LLGL2: variants seen among roughly 807,000 people sequenced by gnomAD.
LLGL2 encodes LLGL scribble cell polarity complex component 2, also known as LLGL2, scribble cell polarity complex component.
LLGL2 carries 81 observed loss-of-function variants against 123.2 expected under a neutral mutation model. The observed-to-expected ratio is 0.66, with a 90% confidence interval of 0.55 to 0.79. The LOEUF is 0.79. LLGL2 is among the 30% of genes least tolerant of loss of function. The pLI is 0.00. For missense variants in LLGL2, 1,273 were observed against 1,414.6 expected, an observed-to-expected ratio of 0.90 and a Z score of 1.61; for synonymous variants, 577 against 594.1, an observed-to-expected ratio of 0.97 and a Z score of 0.42.
chr17:75,561,462 T>G (rs1620378), intron 6 of LLGL2, among the ~76,000 whole-genome samples: 2 of 151,688 alleles, frequency 1.3e-5, no homozygotes, highest in African/African-American at 4.8e-5. Context: ...CTGTCTCTCC[T>G]CACAAAAAAT....
At position 75,558,553 on chromosome 17, in the gene LLGL2, T is replaced by G. The variant is rs1328805783; in HGVS notation, c.297T>G (p.Leu99=). 1 of 1,610,762 alleles carries G rather than the reference T, an allele frequency of 6.2e-7. No individual in the cohort carries two copies. The highest frequency in any genetic ancestry group is 1.1e-5 in the South Asian group (1 of 90,230). Residue 99 remains leucine (L), a synonymous_variant, in exon 5 of 26, where the codon CTT becomes CTG. Transcript: ENST00000392550. This position sits in a 1 kb window ranked among gnomAD's most constrained non-coding sequence, Gnocchi z 4.0. The part of the protein sequence containing the change: ...VTLLDDNSLH[L]WSLKVKGGAS... ...TGCTGGATGACAACAGCCTGCACCTTTGGAGCCTGAAGGTCAAGGGCGGGG... is the reference window on the plus strand; with the variant it reads ...TGCTGGATGACAACAGCCTGCACCTGTGGAGCCTGAAGGTCAAGGGCGGGG...
intron 2 of LLGL2, among the ~76,000 whole-genome samples, chr17:75,548,365 C>T (rs1329654978): frequency 6.6e-6 from 1 of 151,250 alleles, no homozygotes; most frequent in Non-Finnish European, 1.5e-5. Flanking sequence ...GCAACCTCTG[C>T]CTCCCGGGTT....
Position 75,568,708 on chromosome 17 carries a change from G to GGCCCCA in LLGL2, c.1254+28_1254+33dup, listed in dbSNP as rs1568069132. 1.6e-5 allele frequency: 26 copies of GGCCCCA among 1,613,740 alleles called. No homozygotes were observed. The highest frequency in any genetic ancestry group is 2.7e-5 in the African/African-American group (2 of 75,062). On this transcript the variant is annotated intron_variant, in intron 11 of 25. Transcript: ENST00000392550. ...TCTCCACCATGGTAGGTCTGGCCCTGGCCCCAGCCCCAGCCCCACCGCAAG... is the reference window on the plus strand; with the variant it reads ...TCTCCACCATGGTAGGTCTGGCCCTGGCCCCAGCCCCAGCCCCAGCCCCACCGCAAG...
At chr17:75,534,209 TG>T (rs1252280209) in intron 1 of LLGL2, among the ~76,000 whole-genome samples, 2 of 152,244 alleles carry the variant, frequency 1.3e-5, no homozygotes, top group African/African-American at 4.8e-5. Context: ...GCCCCCAGAA[TG>T]GGGGTGCGTT....
At position 75,573,145 on chromosome 17, in the gene LLGL2, G is replaced by C. The variant is rs983328773; in HGVS notation, c.2592G>C (p.Leu864=). The C allele has an allele frequency of 1.9e-6, 3 of 1,613,004 alleles. No individual in the cohort carries two copies. The African/African-American group carries it at 4.0e-5, about 22-fold the overall frequency. Residue 864 remains leucine (L), a synonymous_variant, in exon 20 of 26, where the codon CTG becomes CTC. Coordinates refer to ENST00000392550, the MANE Select transcript of LLGL2 (RefSeq NM_001031803.2). Reference sequence around the variant, plus strand: ...CCGAGGACTACGGGGAGCACCACCTGGCAGTCCTTACCAACCTGGGCGACA... The same window carrying C: ...CCGAGGACTACGGGGAGCACCACCTCGCAGTCCTTACCAACCTGGGCGACA... ...RRAEDYGEHH[L]AVLTNLGDIQ... is the part of the protein sequence containing the mutation.
At chr17:75,528,186 G>T (rs898407357) in intron 1 of LLGL2, among the ~76,000 whole-genome samples, 1 of 151,998 alleles carries the variant, frequency 6.6e-6, no homozygotes, top group Non-Finnish European at 1.5e-5. Context: ...CGAGATCTCG[G>T]CTCACTGCAA....
At chr17:75,534,732 C>T (rs974045143) in intron 1 of LLGL2, among the ~76,000 whole-genome samples, 7 of 152,308 alleles carry the variant, frequency 4.6e-5, no homozygotes, top group Non-Finnish European at 5.9e-5. Flanking sequence ...TCTCCTGCCT[C>T]GACCTCCCAA....
In LLGL2 at chr17:75,574,512, G is replaced by T; in HGVS notation, c.2996+17G>T. The stretch of plus-strand genomic sequence containing the variant: ...AGACCGCGGGTGAGGCACCGCCCAG[G>T]CCAGCTGGGGTGGGCCCGAGGCTCT... On this transcript the variant is annotated intron_variant, in intron 24 of 25. Transcript: ENST00000392550. The T allele has an allele frequency of 6.4e-7, 1 of 1,568,310 alleles. No individual in the cohort carries two copies. The highest frequency in any genetic ancestry group is 8.6e-7 in the Non-Finnish European group (1 of 1,157,898).
chr17:75,547,954 G>A (rs1013134574), intron 2 of LLGL2, among the ~76,000 whole-genome samples: 1 of 152,152 alleles, frequency 6.6e-6, no homozygotes, highest in African/African-American at 2.4e-5. Flanking sequence ...TTGCCTTGGA[G>A]CAGCCTTCTT....
chr17:75,557,707 T>G (rs1598590782), intron 3 of LLGL2: 1 of 304,680 alleles, frequency 3.3e-6, no homozygotes, highest in Non-Finnish European at 6.5e-6. Context: ...CCTCGGCTGG[T>G]TAATCATTGC....
chr17:75,541,942 G>A (rs1262476922), intron 1 of LLGL2, among the ~76,000 whole-genome samples: 1 of 151,694 alleles, frequency 6.6e-6, no homozygotes, highest in Non-Finnish European at 1.5e-5. Flanking sequence ...TGTTGGCCAG[G>A]CTGGTCTCAA....
chr17:75,529,533 A>ATCCTTCC (rs2053697095), intron 1 of LLGL2, among the ~76,000 whole-genome samples: 6 of 151,608 alleles, frequency 4.0e-5, no homozygotes, highest in African/African-American at 1.5e-4. Flanking sequence ...TTCATCCTTC[A>ATCCTTCC]TCCTTCTATC....
chr17:75,568,188 C>A lies in LLGL2; in HGVS notation c.1037-288C>A. 3 of 1,334,564 alleles carry A rather than the reference C, an allele frequency of 2.2e-6. No homozygotes were observed. In the South Asian group the frequency reaches 5.7e-5, roughly 25 times the overall value. 82.7% of individuals were successfully genotyped at this position (1,334,564 alleles called of 1,614,324 possible). On this transcript the variant is annotated intron_variant, in intron 10 of 25. Transcript: ENST00000392550. ...AACCAGGGAAGAGGGTTGGCAGGCA[C>A]AGCTGCATGCCTCTGGGGTGCCTAT... is the stretch of plus-strand genomic sequence containing the variant.
chr17:75,554,786 G>A (rs2054829299), intron 2 of LLGL2, among the ~76,000 whole-genome samples: 1 of 151,936 alleles, frequency 6.6e-6, no homozygotes, highest in Non-Finnish European at 1.5e-5. Context: ...CTACTTGGGA[G>A]GCTTAGGCAG....
At chr17:75,536,474 T>C (rs2054005390) in intron 1 of LLGL2, among the ~76,000 whole-genome samples, 1 of 152,214 alleles carries the variant, frequency 6.6e-6, no homozygotes, top group Non-Finnish European at 1.5e-5. Flanking sequence ...TCTCCCCGCC[T>C]TTCCGGGCCT....
At chr17:75,532,077 C>CT (rs1555648013) in intron 1 of LLGL2, among the ~76,000 whole-genome samples, 976 of 84,054 alleles carry the variant, frequency 0.012, 77 homozygotes, top group East Asian at 0.084. Context: ...CACACACACA[C>CT]TTTTTTTTTT....
intron 2 of LLGL2, among the ~76,000 whole-genome samples, chr17:75,548,275 T>C (rs998711816): frequency 4.4e-5 from 6 of 136,262 alleles, no homozygotes; most frequent in African/African-American, 1.7e-4. Context: ...CAATTTTTTT[T>C]TTCCTTTTTT....
At position 75,574,649 on chromosome 17, in the gene LLGL2, C is replaced by G; in HGVS notation, c.3036C>G (p.Cys1012Trp). 1 of 1,611,914 alleles carries G rather than the reference C, an allele frequency of 6.2e-7. No individual in the cohort carries two copies. The highest frequency in any genetic ancestry group is 1.3e-5 in the African/African-American group (1 of 75,020). The part of the protein sequence containing the change: ...NWRSHRAAVG[C>W]SLSNGGAE ...GTTCACATCGAGCCGCCGTGGGGTGCAGCCTCAGCAATGGCGGAGGTGGGG... is the reference window on the plus strand; with the variant it reads ...GTTCACATCGAGCCGCCGTGGGGTGGAGCCTCAGCAATGGCGGAGGTGGGG... Residue 1012 changes from cysteine (C) to tryptophan (W), a missense_variant, in exon 25 of 26, where the codon TGC (cysteine) becomes TGG (tryptophan). By Grantham distance (215) the Cys-to-Trp change is radical. Transcript: ENST00000392550.
intron 21 of LLGL2, among the ~76,000 whole-genome samples, 160 bp downstream of exon 21, chr17:75,573,791 C>T (rs969853633): frequency 6.6e-5 from 10 of 152,104 alleles, no homozygotes; most frequent in African/African-American, 2.4e-4. Flanking sequence ...GTGCCCCTTG[C>T]CCCTGTGCAA....
Sources: allele counts gnomAD v4.1 joint callset (sites outside exome capture counted in the v4.1 genomes callset), GRCh38; gene constraint gnomAD v4.1.1; non-coding constraint Gnocchi (gnomAD v3.1); transcripts MANE v1.5; gene names NCBI Gene and HGNC (gene_info 2026-07-23, HGNC 2026-07-21).